The following ARHGAP31 variants were observed in gnomAD, a reference collection of about 807,000 sequenced individuals.
The protein encoded by ARHGAP31 is rho GTPase-activating protein 31.
Under a neutral mutation model 113.9 loss-of-function variants are expected in ARHGAP31, and 34 were observed. The observed-to-expected ratio is 0.30, with a 90% CI of 0.23 to 0.40. The LOEUF (loss-of-function observed/expected upper bound fraction) is 0.40. Ranked by LOEUF, ARHGAP31 falls within the 10% of genes least tolerant of loss-of-function variation. ARHGAP31 has a pLI of 1.00. For synonymous variants in ARHGAP31, 650 were observed against 684.8 expected, an observed-to-expected ratio of 0.95 and a Z score of 0.79; for missense variants, 1,548 against 1,767.1, an observed-to-expected ratio of 0.88 and a Z score of 2.22.
chr3:119,365,430 G>T lies in ARHGAP31; in HGVS notation c.203+12G>T, dbSNP rs777218987. On this transcript the variant is annotated intron_variant, in intron 2 of 11. Coordinates refer to ENST00000264245, the MANE Select transcript of ARHGAP31 (RefSeq NM_020754.4). ...ATACAACGGCTAAGGTAAGCTAAAAGAATAGCCCTAAAAGAATTCTCCCAT... is the reference window on the plus strand; with the variant it reads ...ATACAACGGCTAAGGTAAGCTAAAATAATAGCCCTAAAAGAATTCTCCCAT... 6.2e-7 allele frequency: 1 copy of T among 1,605,884 alleles called. No homozygotes were observed. The highest frequency in any genetic ancestry group is 1.7e-5 in the Admixed American group (1 of 60,006).
chr3:119,320,228 C>T (rs1029654042), intron 1 of ARHGAP31, among the ~76,000 whole-genome samples: 1 of 152,192 alleles, frequency 6.6e-6, no homozygotes, highest in African/African-American at 2.4e-5. Flanking sequence ...ACTAGCGAAA[C>T]TTGGTTTTAT....
At chr3:119,399,299 A>G in intron 9 of ARHGAP31, 38 bp downstream of exon 9, 1 of 1,557,300 alleles carries the variant, frequency 6.4e-7, no homozygotes, top group Non-Finnish European at 8.9e-7. Context: ...TGGAGATTAC[A>G]ACTAGGAGGC....
chr3:119,371,235 A>G (rs1300810289), intron 3 of ARHGAP31, among the ~76,000 whole-genome samples: 1 of 152,104 alleles, frequency 6.6e-6, no homozygotes, highest in African/African-American at 2.4e-5. Context: ...TTGTCTGGAA[A>G]CTTTAGAAAT....
intron 1 of ARHGAP31, among the ~76,000 whole-genome samples, chr3:119,335,424 A>C (rs1159766866): frequency 6.6e-6 from 1 of 152,190 alleles, no homozygotes; most frequent in Non-Finnish European, 1.5e-5. Context: ...GACGCAAGCC[A>C]AGTTTTGGAG....
At chr3:119,331,719 T>A (rs2079893250) in intron 1 of ARHGAP31, among the ~76,000 whole-genome samples, 1 of 152,226 alleles carries the variant, frequency 6.6e-6, no homozygotes, top group Non-Finnish European at 1.5e-5. Flanking sequence ...TTGAGATTGA[T>A]AAAATATGAT....
chr3:119,390,400 A>C (rs904506532), intron 6 of ARHGAP31, among the ~76,000 whole-genome samples: 3 of 152,198 alleles, frequency 2.0e-5, no homozygotes, highest in Non-Finnish European at 4.4e-5. Flanking sequence ...CTGTGGCTGG[A>C]CAGACATATT....
intron 7 of ARHGAP31, among the ~76,000 whole-genome samples, chr3:119,392,891 G>A (rs925527154): frequency 4.6e-5 from 7 of 152,208 alleles, no homozygotes; most frequent in African/African-American, 1.2e-4. Context: ...CAGTGTGGCT[G>A]TAGTGCAGGA....
chr3:119,312,515 T>C (rs1349216331), intron 1 of ARHGAP31, among the ~76,000 whole-genome samples: 2 of 152,206 alleles, frequency 1.3e-5, no homozygotes, highest in East Asian at 3.8e-4. Flanking sequence ...TGAGAAACAA[T>C]GCAGGATGTG....
chr3:119,319,980 G>A lies in ARHGAP31; in HGVS notation c.100+24976G>A, dbSNP rs1020612418. Among the ~76,000 whole-genome samples, 3 of 152,198 alleles carry A rather than the reference G, an allele frequency of 2.0e-5. No individual in the cohort carries two copies. In the East Asian group the frequency reaches 5.8e-4, roughly 29 times the overall value. ...AGGGAGGGGAACTGGAATGACCCAAGATTTCCTTAAGCCCAGACCCACACC... is the reference window on the plus strand; with the variant it reads ...AGGGAGGGGAACTGGAATGACCCAAAATTTCCTTAAGCCCAGACCCACACC... On this transcript the variant is annotated intron_variant, in intron 1 of 11. Coordinates refer to ENST00000264245, the MANE Select transcript of ARHGAP31 (RefSeq NM_020754.4).
At chr3:119,346,339 A>C (rs1201952541) in intron 1 of ARHGAP31, among the ~76,000 whole-genome samples, 3 of 152,236 alleles carry the variant, frequency 2.0e-5, no homozygotes, top group Non-Finnish European at 4.4e-5. Flanking sequence ...TCGCTATTTA[A>C]GAAGAGAAAG....
intron 5 of ARHGAP31, 123 bp downstream of exon 5, chr3:119,382,522 T>C (rs2107631715): frequency 1.1e-6 from 1 of 872,880 alleles, no homozygotes; most frequent in Middle Eastern, 2.6e-4. Context: ...TAAGTGGTCA[T>C]TTATAGCACA....
chr3:119,398,348 C>T (rs2080569800), intron 8 of ARHGAP31, among the ~76,000 whole-genome samples: 1 of 152,134 alleles, frequency 6.6e-6, no homozygotes, highest in African/African-American at 2.4e-5. Flanking sequence ...AGCGGCAGAG[C>T]TGGAATTCAA....
chr3:119,399,438 C>G (rs1488511048), intron 9 of ARHGAP31, among the ~76,000 whole-genome samples, 177 bp downstream of exon 9: 6 of 152,222 alleles, frequency 3.9e-5, no homozygotes, highest in African/African-American at 1.4e-4. Flanking sequence ...CCCATAACCT[C>G]CCCTACCTTA....
At chr3:119,337,915 T>C (rs946970597) in intron 1 of ARHGAP31, among the ~76,000 whole-genome samples, 52 of 152,320 alleles carry the variant, frequency 3.4e-4, no homozygotes, top group African/African-American at 1.3e-3. Context: ...CCCAGCCGGC[T>C]TCACCTCTCA....
In ARHGAP31 at chr3:119,294,923, A is replaced by G. The variant is rs1431881272; in HGVS notation, c.19A>G (p.Lys7Glu). 3.1e-6 allele frequency: 5 copies of G among 1,613,958 alleles called. No homozygotes were observed. The highest frequency in any genetic ancestry group is 4.2e-6 in the Non-Finnish European group (5 of 1,180,010). Reference protein sequence around the residue: MKNKGAKQKLKRKGAAS... With the variant: MKNKGAEQKLKRKGAAS... Reference sequence around the variant, plus strand: ...CTAACTCATGAAGAACAAGGGTGCTAAGCAGAAGCTGAAACGAAAGGGAGC... The same window carrying G: ...CTAACTCATGAAGAACAAGGGTGCTGAGCAGAAGCTGAAACGAAAGGGAGC... The change falls in exon 1 of 12, where the codon AAG becomes GAG. Residue 7 changes from lysine to glutamate, a missense_variant. Coordinates refer to ENST00000264245, the MANE Select transcript of ARHGAP31 (RefSeq NM_020754.4).
At chr3:119,332,384 G>A (rs1434381750) in intron 1 of ARHGAP31, among the ~76,000 whole-genome samples, 1 of 151,900 alleles carries the variant, frequency 6.6e-6, no homozygotes, top group African/African-American at 2.4e-5. Flanking sequence ...ATTTTTAGTA[G>A]AGATGAGGTT....
chr3:119,368,623 T>C, intron 3 of ARHGAP31, 107 bp downstream of exon 3: 1 of 1,412,344 alleles, frequency 7.1e-7, no homozygotes, highest in Non-Finnish European at 9.9e-7. Flanking sequence ...ATGGTTGACA[T>C]TATCTTAGCG....
chr3:119,306,935 A>C (rs1235087490), intron 1 of ARHGAP31, among the ~76,000 whole-genome samples: 1 of 152,218 alleles, frequency 6.6e-6, no homozygotes, highest in Non-Finnish European at 1.5e-5. Context: ...ATCAGAAAGA[A>C]ACATTTCTAA....
At chr3:119,403,389 A>T (rs1277798229) in intron 10 of ARHGAP31, among the ~76,000 whole-genome samples, 2 of 152,184 alleles carry the variant, frequency 1.3e-5, no homozygotes. Flanking sequence ...TCCAGACTTT[A>T]AAAAAATCCA....
Sources: allele counts gnomAD v4.1 joint callset (sites outside exome capture counted in the v4.1 genomes callset), GRCh38; gene constraint gnomAD v4.1.1; transcripts MANE v1.5; gene names NCBI Gene and HGNC (gene_info 2026-07-23, HGNC 2026-07-21).